Variants in MCM3AP observed in about 807,000 individuals in gnomAD.
MCM3AP encodes the protein minichromosome maintenance complex component 3 associated protein.
A neutral mutation model predicts 184.1 loss-of-function variants in MCM3AP; 126 were observed. That is an observed-to-expected ratio of 0.68 (90% CI 0.59 to 0.79). The LOEUF is 0.79. MCM3AP is among the 30% of genes least tolerant of loss of function. The pLI is 0.00. For missense variants in MCM3AP, 2,496 were observed against 2,479.2 expected (o/e 1.01, Z -0.14); for synonymous variants, 1,002 against 979.3 (o/e 1.02, Z -0.43).
At chr21:46,269,701 TC>T (rs1450320971) in intron 9 of MCM3AP, among the ~76,000 whole-genome samples, 1 of 152,118 alleles carries the variant, frequency 6.6e-6, no homozygotes, top group Admixed American at 6.5e-5. Flanking sequence ...CCTGGCAGCC[TC>T]CTTGGAGCCG....
chr21:46,283,515 TTA>T, intron 2 of MCM3AP, 98 bp downstream of exon 2: 1 of 718,668 alleles, frequency 1.4e-6, no homozygotes, highest in East Asian at 2.6e-5. Context: ...TTTCTCTATA[TTA>T]TAGTAAGCAA....
intron 8 of MCM3AP, among the ~76,000 whole-genome samples, chr21:46,271,128 A>C (rs1457611517): frequency 3.3e-5 from 5 of 152,194 alleles, no homozygotes; most frequent in African/African-American, 1.2e-4. Context: ...TGTCACGTAG[A>C]AAAAGACAAT....
At chr21:46,283,018 C>G (rs1027975931) in intron 2 of MCM3AP, among the ~76,000 whole-genome samples, 2 of 151,544 alleles carry the variant, frequency 1.3e-5, no homozygotes, top group Admixed American at 6.6e-5. Context: ...CGCCGCCTCC[C>G]GGATTCAAGC....
At chr21:46,278,680 CT>C (rs923255966) in intron 4 of MCM3AP, among the ~76,000 whole-genome samples, 32 of 148,342 alleles carry the variant, frequency 2.2e-4, no homozygotes, top group Admixed American at 2.0e-4. Context: ...AGGAGACAGC[CT>C]TTTTTTTTTT....
chr21:46,238,280 T>C (rs1226863106), intron 26 of MCM3AP, among the ~76,000 whole-genome samples: 1 of 120,600 alleles, frequency 8.3e-6, no homozygotes, highest in Non-Finnish European at 1.8e-5. Flanking sequence ...GTTTTATGCA[T>C]CTATAATTAA....
chr21:46,270,743 G>A (rs1163378634), intron 8 of MCM3AP, among the ~76,000 whole-genome samples, 180 bp from the exon 9 acceptor site: 2 of 152,280 alleles, frequency 1.3e-5, no homozygotes, highest in African/African-American at 2.4e-5. Context: ...GGTTGAGGCT[G>A]CAGTGAGCTG....
At chr21:46,240,147 T>C (rs1298595377) in intron 26 of MCM3AP, among the ~76,000 whole-genome samples, 1 of 152,034 alleles carries the variant, frequency 6.6e-6, no homozygotes, top group Non-Finnish European at 1.5e-5. Context: ...ATTGAATGAA[T>C]GTCCTTGGGT....
chr21:46,271,197 T>C (rs1424564343), intron 8 of MCM3AP, among the ~76,000 whole-genome samples: 1 of 152,028 alleles, frequency 6.6e-6, no homozygotes, highest in Non-Finnish European at 1.5e-5. Flanking sequence ...GTACTTGCTC[T>C]ATCACCCAGG....
intron 22 of MCM3AP, among the ~76,000 whole-genome samples, chr21:46,245,628 C>T (rs2080753726): frequency 6.6e-6 from 1 of 152,118 alleles, no homozygotes; most frequent in Non-Finnish European, 1.5e-5. Flanking sequence ...TTCCTGGCAC[C>T]TCTTTCTCTA....
rs1434352994 is a variant in MCM3AP, at chr21:46,284,209, C to G, written c.1078G>C (p.Ala360Pro). Residue 360 changes from alanine (A) to proline (P), a missense_variant, in exon 1 of 28, where the codon GCC becomes CCC. Transcript: ENST00000291688. ...TCAACAAAGCCAGTTTCCTTTTTGGCCTCCTTGTTGCCCAGACGACCTACT... is the reference window on the plus strand; with the variant it reads ...TCAACAAAGCCAGTTTCCTTTTTGGGCTCCTTGTTGCCCAGACGACCTACT... ...KEVGRLGNKE[A>P]KKETGFVESA... 1.2e-6 allele frequency: 2 copies of G among 1,614,192 alleles called. No homozygotes were observed. The highest frequency in any genetic ancestry group is 2.2e-5 in the South Asian group (2 of 91,084).
intron 25 of MCM3AP, chr21:46,241,271 C>G (rs2080659778): frequency 4.9e-6 from 2 of 409,706 alleles, no homozygotes; most frequent in Non-Finnish European, 8.8e-6. Flanking sequence ...TTGAGACTGC[C>G]TGTTCCTCTT....
At chr21:46,237,858 G>T (rs1455518168) in intron 26 of MCM3AP, among the ~76,000 whole-genome samples, 1 of 116,588 alleles carries the variant, frequency 8.6e-6, no homozygotes, top group African/African-American at 3.5e-5. Context: ...CCAACACTTT[G>T]GGAGGCCGAG....
At position 46,285,549 on chromosome 21, in the gene MCM3AP, G is replaced by A. The variant is rs905068873; in HGVS notation, c.-263C>T. 6.6e-6 allele frequency: 3 copies of A among 455,264 alleles called. No homozygotes were observed. Among genetic ancestry groups the A allele is most frequent in the South Asian group, 6.1e-5 (2 of 32,540 alleles). 28.2% of individuals were successfully genotyped at this position (455,264 alleles called of 1,614,324 possible). The stretch of plus-strand genomic sequence containing the variant: ...CCGATAGGTTATTTTGTTGGAGGGT[G>A]GGGTAGAGAGTGGTACAAATAATTA... On this transcript the variant is annotated 5_prime_UTR_variant, in exon 1 of 28. Transcript: ENST00000291688.
At chr21:46,254,989 T>G in intron 17 of MCM3AP, 145 bp from the exon 18 acceptor site, 1 of 685,332 alleles carries the variant, frequency 1.5e-6, no homozygotes, top group South Asian at 1.6e-5. Context: ...TCCACAAATA[T>G]CATGTTAAGT....
chr21:46,253,674 G>A (rs1215834493), intron 19 of MCM3AP: 1 of 151,800 alleles, frequency 6.6e-6, no homozygotes, highest in African/African-American at 2.4e-5. Context: ...ATGTGGTTGT[G>A]TGACAACTCC....
At chr21:46,279,464 C>T (rs895844664) in intron 4 of MCM3AP, among the ~76,000 whole-genome samples, 3 of 152,274 alleles carry the variant, frequency 2.0e-5, no homozygotes, top group Admixed American at 6.5e-5. Flanking sequence ...CGACCCGCCA[C>T]AGGGCGCCAG....
rs541319271 is a variant in MCM3AP, at chr21:46,245,058, C to T, written c.4787G>A (p.Arg1596His). ...CTCCTGAGAAGCAAGACCGCCCAGA[C>T]GCCTCTCTCTTCTGTCATGGAAAAA... ...GRFFHDRRERRLGGLASQEPG... is the reference protein window; with the variant it reads ...GRFFHDRRERHLGGLASQEPG... Residue 1596 changes from arginine (R) to histidine (H), a missense_variant, in exon 23 of 28, where the codon CGT (arginine) becomes CAT (histidine). By Grantham distance (29) the Arg-to-His change is conservative. Coordinates refer to ENST00000291688, the MANE Select transcript of MCM3AP (RefSeq NM_003906.5). 37 of 1,614,232 alleles carry T rather than the reference C, an allele frequency of 2.3e-5. No homozygotes were observed. The highest frequency in any genetic ancestry group is 8.0e-5 in the African/African-American group (6 of 75,068).
In MCM3AP at chr21:46,284,072, T is replaced by C; in HGVS notation, c.1215A>G (p.Lys405=). The part of the protein sequence containing the change: ...KEEETESREK[K]EDSLRGTPAR... Reference sequence around the variant, plus strand: ...TGCTACATTTTCAGAGCTCACCTTCTTTCTTCTCTCTACTTTCAGTTTCTT... The same window carrying C: ...TGCTACATTTTCAGAGCTCACCTTCCTTCTTCTCTCTACTTTCAGTTTCTT... The change falls in exon 1 of 28, where the codon AAA becomes AAG. Residue 405 remains lysine (K), a synonymous_variant. Coordinates refer to ENST00000291688, the MANE Select transcript of MCM3AP (RefSeq NM_003906.5). The C allele has an allele frequency of 1.9e-6, 3 of 1,610,590 alleles. No individual in the cohort carries two copies. The highest frequency in any genetic ancestry group is 2.5e-6 in the Non-Finnish European group (3 of 1,177,970).
intron 19 of MCM3AP, chr21:46,252,818 T>C (rs1461358713): frequency 1.3e-5 from 2 of 152,000 alleles, no homozygotes. Context: ...GTTTATGGTA[T>C]GTGAATAACA....
Sources: allele counts gnomAD v4.1 joint callset (sites outside exome capture counted in the v4.1 genomes callset), GRCh38; gene constraint gnomAD v4.1.1; transcripts MANE v1.5; gene names NCBI Gene and HGNC (gene_info 2026-07-23, HGNC 2026-07-21).